Variants in PAPPA observed in about 807,000 individuals in gnomAD.
PAPPA encodes the protein pappalysin 1.
Under a neutral mutation model 164.0 loss-of-function variants are expected in PAPPA, and 60 were observed. The ratio of observed to expected loss-of-function variants is 0.37; its 90% CI spans 0.30 to 0.45. The LOEUF is 0.45. Among genes scored for constraint, PAPPA ranks in the 20% least tolerant of loss-of-function variants. The pLI, the probability that PAPPA is intolerant of heterozygous loss-of-function variation, is 1.00. For synonymous variants in PAPPA, 875 were observed against 814.1 expected, an observed-to-expected ratio of 1.07 and a Z score of -1.27; for missense variants, 1,782 against 2,087.3, an observed-to-expected ratio of 0.85 and a Z score of 2.85.
chr9:116,243,589 G>T (rs1844761631), intron 7 of PAPPA, among the ~76,000 whole-genome samples: 1 of 152,110 alleles, frequency 6.6e-6, no homozygotes, highest in Non-Finnish European at 1.5e-5. Flanking sequence ...AAGATACAGA[G>T]CACAGTCATT....
intron 2 of PAPPA, among the ~76,000 whole-genome samples, chr9:116,196,491 C>A (rs1297761804): frequency 1.3e-5 from 2 of 152,222 alleles, no homozygotes; most frequent in Non-Finnish European, 2.9e-5. Flanking sequence ...GATGGTTGAA[C>A]TGACAGACAG....
At chr9:116,246,801 G>A (rs1844801803) in intron 7 of PAPPA, among the ~76,000 whole-genome samples, 1 of 152,150 alleles carries the variant, frequency 6.6e-6, no homozygotes, top group African/African-American at 2.4e-5. Flanking sequence ...GACTGCTTGA[G>A]CCAAAGAGTT....
intron 9 of PAPPA, among the ~76,000 whole-genome samples, chr9:116,301,961 A>C (rs2118889435): frequency 6.6e-6 from 1 of 152,326 alleles, no homozygotes; most frequent in South Asian, 2.1e-4. Flanking sequence ...TTAAAGCAAA[A>C]CTGAAATCCT....
intron 1 of PAPPA, among the ~76,000 whole-genome samples, chr9:116,164,535 G>A (rs1432193128): frequency 1.3e-5 from 2 of 152,156 alleles, no homozygotes; most frequent in Non-Finnish European, 2.9e-5. Flanking sequence ...TTGGAATATC[G>A]AAGTATGTGA....
intron 1 of PAPPA, among the ~76,000 whole-genome samples, chr9:116,173,651 C>T (rs1038781174): frequency 2.0e-5 from 3 of 152,170 alleles, no homozygotes; most frequent in Non-Finnish European, 4.4e-5. Flanking sequence ...TTTCTCATCT[C>T]GAGAGTGACC....
At chr9:116,227,979 C>T (rs528961417) in intron 6 of PAPPA, among the ~76,000 whole-genome samples, 10 of 152,284 alleles carry the variant, frequency 6.6e-5, no homozygotes, top group Admixed American at 5.9e-4. Context: ...CTATACAGAG[C>T]ACTTTCACAT....
chr9:116,208,586 G>C (rs980991037), intron 3 of PAPPA, among the ~76,000 whole-genome samples: 1 of 152,118 alleles, frequency 6.6e-6, no homozygotes, highest in East Asian at 1.9e-4. Context: ...AGAATGAATC[G>C]TGATGACTCA....
At chr9:116,298,901 TCTAG>T (rs1184960541) in intron 9 of PAPPA, among the ~76,000 whole-genome samples, 1 of 152,236 alleles carries the variant, frequency 6.6e-6, no homozygotes, top group Non-Finnish European at 1.5e-5. Context: ...CTGCTCAGCA[TCTAG>T]CAGAAAGTAT....
chr9:116,301,424 T>C (rs990296397), intron 9 of PAPPA, among the ~76,000 whole-genome samples: 4 of 151,978 alleles, frequency 2.6e-5, no homozygotes, highest in African/African-American at 7.3e-5. Flanking sequence ...ACACAGGAGG[T>C]GGTATTTAGC....
chr9:116,293,773 G>T (rs1056045211), intron 9 of PAPPA, among the ~76,000 whole-genome samples: 1 of 152,056 alleles, frequency 6.6e-6, no homozygotes, highest in African/African-American at 2.4e-5. Flanking sequence ...TGACCAATGT[G>T]GAGAAACCCC....
At chr9:116,278,084 TAC>T (rs1564207943) in intron 9 of PAPPA, among the ~76,000 whole-genome samples, 1 of 152,244 alleles carries the variant, frequency 6.6e-6, no homozygotes, top group Non-Finnish European at 1.5e-5. Context: ...GTAACTTGCC[TAC>T]AGTTACACAG....
intron 13 of PAPPA, among the ~76,000 whole-genome samples, chr9:116,336,657 C>T (rs528293591): frequency 3.2e-4 from 48 of 152,310 alleles, no homozygotes; most frequent in African/African-American, 1.1e-3. Flanking sequence ...AAATATTTAA[C>T]CACTGAAACA....
intron 5 of PAPPA, among the ~76,000 whole-genome samples, chr9:116,224,319 A>G (rs1312063603): frequency 6.6e-6 from 1 of 152,172 alleles, no homozygotes; most frequent in Non-Finnish European, 1.5e-5. Flanking sequence ...ACAATTGGCC[A>G]TGGTATATTG....
intron 19 of PAPPA, among the ~76,000 whole-genome samples, chr9:116,375,497 CAAGTA>C (rs1846637683): frequency 6.6e-6 from 1 of 152,154 alleles, no homozygotes. Flanking sequence ...GACAGGAAGA[CAAGTA>C]AAGAAATTAT....
At chr9:116,208,937 A>C (rs919711257) in intron 3 of PAPPA, among the ~76,000 whole-genome samples, 1 of 152,094 alleles carries the variant, frequency 6.6e-6, no homozygotes, top group African/African-American at 2.4e-5. Context: ...GCCCCAGGAG[A>C]CATTTGGCAA....
intron 1 of PAPPA, among the ~76,000 whole-genome samples, chr9:116,156,439 C>T (rs1357640597): frequency 6.6e-6 from 1 of 151,202 alleles, no homozygotes; most frequent in Non-Finnish European, 1.5e-5. Flanking sequence ...CACACACATT[C>T]TCTTGAGCAC....
intron 10 of PAPPA, among the ~76,000 whole-genome samples, chr9:116,307,048 A>C (rs1845655378): frequency 6.6e-6 from 1 of 152,176 alleles, no homozygotes; most frequent in Non-Finnish European, 1.5e-5. Flanking sequence ...AAAGAATGAG[A>C]ACTATCCACA....
intron 9 of PAPPA, among the ~76,000 whole-genome samples, chr9:116,282,815 CA>C (rs1845283582): frequency 6.6e-6 from 1 of 152,142 alleles, no homozygotes; most frequent in Non-Finnish European, 1.5e-5. Flanking sequence ...CTTCACATAA[CA>C]AAAGGATCCC....
At chr9:116,252,587 A>T (rs937628217) in intron 7 of PAPPA, among the ~76,000 whole-genome samples, 1 of 152,214 alleles carries the variant, frequency 6.6e-6, no homozygotes, top group Non-Finnish European at 1.5e-5. Context: ...CTGGAGGCAG[A>T]TTCAGTATCT....
Sources: allele counts gnomAD v4.1 joint callset (sites outside exome capture counted in the v4.1 genomes callset), GRCh38; gene constraint gnomAD v4.1.1; transcripts MANE v1.5; gene names NCBI Gene and HGNC (gene_info 2026-07-23, HGNC 2026-07-21).